Variants in TYW1 observed in about 807,000 individuals in gnomAD.
TYW1 encodes the protein tRNA-yW synthesizing protein 1 homolog.
Under a neutral mutation model 96.2 loss-of-function variants are expected in TYW1, and 46 were observed. The observed-to-expected ratio is 0.48, with a 90% CI of 0.38 to 0.61. The LOEUF (loss-of-function observed/expected upper bound fraction) is 0.61. Ranked by LOEUF, TYW1 falls within the 20% of genes least tolerant of loss-of-function variation. The probability of loss-of-function intolerance (pLI) is 0.00; values close to 1 mark genes in which losing one functional copy is unlikely to be tolerated. For synonymous variants in TYW1, 274 were observed against 323.0 expected (o/e 0.85, Z 1.63); for missense variants, 684 against 909.6 (o/e 0.75, Z 3.19).
intron 15 of TYW1, among the ~76,000 whole-genome samples, chr7:67,206,234 A>G (rs1800795850): frequency 6.6e-6 from 1 of 152,176 alleles, no homozygotes; most frequent in African/African-American, 2.4e-5. Context: ...ACTGGAAAGA[A>G]TTTCCTGACA....
intron 13 of TYW1, among the ~76,000 whole-genome samples, chr7:67,131,333 G>A (rs1423494096): frequency 6.6e-6 from 1 of 152,130 alleles, no homozygotes; most frequent in Non-Finnish European, 1.5e-5. Context: ...TGTCATTTTT[G>A]TGTATATGAT....
intron 3 of TYW1, among the ~76,000 whole-genome samples, chr7:67,006,428 T>G (rs1445047942): frequency 6.8e-6 from 1 of 147,212 alleles, no homozygotes; most frequent in South Asian, 2.1e-4. Flanking sequence ...TCTCAGGTAT[T>G]TCTTTTTTCC....
intron 15 of TYW1, among the ~76,000 whole-genome samples, chr7:67,235,472 T>C (rs1022810733): frequency 1.3e-5 from 2 of 152,158 alleles, no homozygotes; most frequent in African/African-American, 4.8e-5. Context: ...GCCTCTGTCA[T>C]GAATACACAG....
chr7:67,206,165 T>C (rs1800792391), intron 15 of TYW1, among the ~76,000 whole-genome samples: 2 of 152,232 alleles, frequency 1.3e-5, no homozygotes, highest in African/African-American at 4.8e-5. Flanking sequence ...GAACTCATTT[T>C]CTTTATTTAA....
At chr7:67,039,981 G>A (rs182322327) in intron 7 of TYW1, among the ~76,000 whole-genome samples, 59 of 146,386 alleles carry the variant, frequency 4.0e-4, no homozygotes, top group Admixed American at 6.2e-4. Flanking sequence ...TTTTGAGATG[G>A]AGTCTCACTG....
intron 7 of TYW1, among the ~76,000 whole-genome samples, chr7:67,046,637 G>A (rs1268893319): frequency 6.6e-6 from 1 of 152,200 alleles, no homozygotes; most frequent in Non-Finnish European, 1.5e-5. Flanking sequence ...AACAATGTCT[G>A]CACCTAGCAG....
chr7:67,202,143 C>G (rs1352556146), intron 15 of TYW1, among the ~76,000 whole-genome samples: 1 of 152,140 alleles, frequency 6.6e-6, no homozygotes, highest in Non-Finnish European at 1.5e-5. Flanking sequence ...GCTTCTTTTC[C>G]TTTTCGTTGT....
At chr7:67,135,594 C>T (rs891776515) in intron 13 of TYW1, among the ~76,000 whole-genome samples, 12 of 144,796 alleles carry the variant, frequency 8.3e-5, no homozygotes, top group Non-Finnish European at 1.2e-4. Context: ...TGAGCTACCA[C>T]GTCCAGCCAA....
At chr7:67,206,226 T>A (rs1800795519) in intron 15 of TYW1, among the ~76,000 whole-genome samples, 1 of 152,228 alleles carries the variant, frequency 6.6e-6, no homozygotes, top group Non-Finnish European at 1.5e-5. Context: ...GCAGTGTTAC[T>A]GGAAAGAATT....
intron 7 of TYW1, among the ~76,000 whole-genome samples, chr7:67,044,030 A>T (rs1795108219): frequency 1.3e-5 from 2 of 151,574 alleles, no homozygotes; most frequent in Non-Finnish European, 2.9e-5. Context: ...TTTTACTGTG[A>T]TTCCTTTTCA....
At chr7:67,111,263 G>A (rs1447755592) in intron 12 of TYW1, among the ~76,000 whole-genome samples, 4 of 151,938 alleles carry the variant, frequency 2.6e-5, no homozygotes, top group African/African-American at 9.7e-5. Flanking sequence ...GAGTGCAGTG[G>A]CACAATCTCA....
At chr7:67,208,428 A>G (rs1159881644) in intron 15 of TYW1, among the ~76,000 whole-genome samples, 30 of 152,188 alleles carry the variant, frequency 2.0e-4, no homozygotes, top group Non-Finnish European at 2.4e-4. Context: ...GCGGTGGCTT[A>G]CGCCTGTAAT....
chr7:67,008,913 C>T (rs1349206627), intron 3 of TYW1, among the ~76,000 whole-genome samples: 2 of 152,186 alleles, frequency 1.3e-5, no homozygotes, highest in African/African-American at 2.4e-5. Context: ...CCAACTGCAT[C>T]GGCCTCCCAA....
chr7:67,123,876 T>C (rs1020070689), intron 13 of TYW1, among the ~76,000 whole-genome samples: 1 of 152,192 alleles, frequency 6.6e-6, no homozygotes, highest in Non-Finnish European at 1.5e-5. Flanking sequence ...AATTACTATG[T>C]CAAAAAGGAA....
chr7:67,039,856 T>A (rs1237909827), intron 7 of TYW1, among the ~76,000 whole-genome samples: 2 of 151,778 alleles, frequency 1.3e-5, no homozygotes, highest in Non-Finnish European at 2.9e-5. Context: ...ATAGACGGGG[T>A]TTCACCGTGT....
At position 67,136,983 on chromosome 7, in the gene TYW1, C is replaced by T. The variant is rs1413450832; in HGVS notation, c.1698+19365C>T. Among the ~76,000 whole-genome samples, 100 of 150,584 alleles carry T rather than the reference C, an allele frequency of 6.6e-4. 1 individual carries two copies. Among genetic ancestry groups the T allele is most frequent in the African/African-American group, 2.2e-3 (91 of 40,580 alleles). On this transcript the variant is annotated intron_variant, in intron 13 of 15. Transcript: ENST00000359626. ...GATTACAGGTGCCTGCCACCACACC[C>T]GGCTAATTTTTGTGTTTTTAGTAGA...
In TYW1 at chr7:67,238,477, A is replaced by AG. The variant is rs1268216911; in HGVS notation, c.2149dup (p.Asp717GlyfsTer49). ...GCCAGTGAAAGAGGCTTTGATCCCA[A>AG]GGACACAAGACATCAGAGAAAGAAC... On this transcript the variant is annotated frameshift_variant, in exon 16 of 16. Transcript: ENST00000359626. LOFTEE classifies it high-confidence loss of function. 1 of 1,613,988 alleles carries AG rather than the reference A, an allele frequency of 6.2e-7. No homozygotes were observed. The highest frequency in any genetic ancestry group is 8.5e-7 in the Non-Finnish European group (1 of 1,179,860).
chr7:67,145,958 A>T (rs926708883), intron 13 of TYW1, among the ~76,000 whole-genome samples: 1 of 151,840 alleles, frequency 6.6e-6, no homozygotes, highest in Admixed American at 6.6e-5. Context: ...TTAGAGACAG[A>T]GTTTGGCATG....
chr7:67,056,795 C>T (rs1290241088), intron 9 of TYW1, among the ~76,000 whole-genome samples: 5 of 152,076 alleles, frequency 3.3e-5, no homozygotes, highest in African/African-American at 1.2e-4. Context: ...GGGTAAATGC[C>T]TAGAAGTGCA....
Sources: gnomAD v4.1 joint callset for allele counts (sites outside exome capture counted in the v4.1 genomes callset) on GRCh38, gnomAD v4.1.1 for gene constraint, MANE v1.5 for transcripts, NCBI Gene and HGNC (gene_info 2026-07-23, HGNC 2026-07-21) for gene names.